The following SEM1 variants were observed in gnomAD, a reference collection of about 807,000 sequenced individuals.
SEM1 encodes the protein 26S proteasome complex subunit SEM1.
Under a neutral mutation model 12.7 loss-of-function variants are expected in SEM1, and 3 were observed. The ratio of observed to expected loss-of-function variants is 0.24; its 90% CI spans 0.11 to 0.61. SEM1 has a LOEUF of 0.61. Ranked by LOEUF, SEM1 falls within the 20% of genes least tolerant of loss-of-function variation. The pLI is 0.88. For synonymous variants in SEM1, 30 were observed against 27.8 expected (o/e 1.08, Z -0.25); for missense variants, 59 against 81.3 (o/e 0.73, Z 1.06).
intron 2 of SEM1, chr7:96,486,072 G>A (rs756779209): frequency 4.1e-5 from 27 of 657,152 alleles, no homozygotes; most frequent in Admixed American, 4.0e-4. Flanking sequence ...AAAATATCAC[G>A]TGTAAAGATC....
At chr7:96,606,625 A>G (rs1389594638) in intron 2 of SEM1, among the ~76,000 whole-genome samples, 1 of 152,246 alleles carries the variant, frequency 6.6e-6, no homozygotes, top group Non-Finnish European at 1.5e-5. Flanking sequence ...TTTTCATCCA[A>G]GTCCAGAACT....
downstream of SEM1, among the ~76,000 whole-genome samples, chr7:96,686,640 A>G (rs1364045777): frequency 6.6e-6 from 1 of 152,214 alleles, no homozygotes; most frequent in Non-Finnish European, 1.5e-5. Flanking sequence ...AATTAATTCA[A>G]GATGGATTAA....
chr7:96,522,891 C>CAAA (rs540895823), intron 2 of SEM1, among the ~76,000 whole-genome samples: 121 of 87,320 alleles, frequency 1.4e-3, no homozygotes, highest in Non-Finnish European at 1.6e-3. Context: ...AACTCCATCT[C>CAAA]AAAAAAAAAA....
intron 2 of SEM1, among the ~76,000 whole-genome samples, chr7:96,644,694 G>C (rs968391858): frequency 2.6e-5 from 4 of 152,140 alleles, no homozygotes; most frequent in Non-Finnish European, 5.9e-5. Flanking sequence ...CTCAGTTGCA[G>C]TGTGACGTGG....
chr7:96,546,350 T>G (rs1370499764), intron 2 of SEM1, among the ~76,000 whole-genome samples: 1 of 152,018 alleles, frequency 6.6e-6, no homozygotes. Flanking sequence ...GAATACACAC[T>G]CCTCATACTC....
chr7:96,501,834 G>A (rs1242778079), intron 3 of SEM1, among the ~76,000 whole-genome samples: 1 of 152,112 alleles, frequency 6.6e-6, no homozygotes, highest in Non-Finnish European at 1.5e-5. Flanking sequence ...GGTACTGAAT[G>A]TAGTACCCAA....
downstream of SEM1, among the ~76,000 whole-genome samples, chr7:96,671,583 G>C (rs755627853): frequency 2.6e-5 from 4 of 152,132 alleles, no homozygotes; most frequent in Non-Finnish European, 4.4e-5. Context: ...AAACTGAAAG[G>C]GAGGCACAGA....
At chr7:96,496,434 G>GC (rs370022281), upstream of SEM1, 824 of 576,658 alleles carry the variant, frequency 1.4e-3, 2 homozygotes, top group African/African-American at 3.4e-3. Context: ...TCTTTATACT[G>GC]CCCCCCCCAA....
At chr7:96,512,861 G>C (rs917413250) in intron 2 of SEM1, among the ~76,000 whole-genome samples, 10 of 152,044 alleles carry the variant, frequency 6.6e-5, no homozygotes, top group African/African-American at 2.4e-4. Context: ...TACAAAAAAA[G>C]CATCAACAGA....
intron 2 of SEM1, among the ~76,000 whole-genome samples, chr7:96,587,584 C>A (rs958827888): frequency 2.0e-5 from 3 of 152,060 alleles, no homozygotes; most frequent in East Asian, 3.9e-4. Context: ...GGTGACAGAT[C>A]TGTTCTCACA....
At chr7:96,525,047 C>T (rs752172397) in intron 2 of SEM1, among the ~76,000 whole-genome samples, 4 of 152,092 alleles carry the variant, frequency 2.6e-5, no homozygotes, top group Non-Finnish European at 2.9e-5. Context: ...CAGTGCACTA[C>T]GGGTGGCTGA....
intron 2 of SEM1, among the ~76,000 whole-genome samples, chr7:96,530,376 C>T (rs1366905218): frequency 6.6e-6 from 1 of 152,032 alleles, no homozygotes. Context: ...CAGGTGAGGG[C>T]CCCATGGAGG....
chr7:96,668,951 A>G (rs544593751), downstream of SEM1, among the ~76,000 whole-genome samples: 4 of 152,304 alleles, frequency 2.6e-5, no homozygotes, highest in South Asian at 8.3e-4. Flanking sequence ...GCAGGGACTG[A>G]AGTTATACAG....
At chr7:96,703,441 GT>G (rs937442170) in intron 1 of SEM1, among the ~76,000 whole-genome samples, 1 of 152,130 alleles carries the variant, frequency 6.6e-6, no homozygotes, top group Non-Finnish European at 1.5e-5. Flanking sequence ...TATTCTGTAA[GT>G]TTGAGATTAT....
chr7:96,626,216 C>G (rs896005630), intron 2 of SEM1, among the ~76,000 whole-genome samples: 1 of 152,012 alleles, frequency 6.6e-6, no homozygotes, highest in Non-Finnish European at 1.5e-5. Context: ...CTACTCTATA[C>G]GTCCATAAGT....
chr7:96,633,083 T>G (rs1808323459), intron 2 of SEM1, among the ~76,000 whole-genome samples: 3 of 152,104 alleles, frequency 2.0e-5, no homozygotes, highest in Admixed American at 2.0e-4. Context: ...TAAAATTGCC[T>G]GGGACCCACT....
chr7:96,664,071 C>T (rs1789094425), intron 2 of SEM1: 1 of 152,170 alleles, frequency 6.6e-6, no homozygotes, highest in Non-Finnish European at 1.5e-5. Flanking sequence ...GTCATTAGCT[C>T]ACAAAGCTGA....
intron 2 of SEM1, among the ~76,000 whole-genome samples, chr7:96,577,969 A>G (rs534072413): frequency 1.3e-5 from 2 of 152,222 alleles, no homozygotes; most frequent in Admixed American, 6.5e-5. Context: ...AGGAAATAAG[A>G]GACTCTTTAA....
chr7:96,608,405 T>C (rs920635451), intron 2 of SEM1, among the ~76,000 whole-genome samples: 1 of 152,212 alleles, frequency 6.6e-6, no homozygotes, highest in Non-Finnish European at 1.5e-5. Flanking sequence ...GATCCTTTTG[T>C]ATTTAAAAAG....
Sources: allele counts gnomAD v4.1 joint callset (sites outside exome capture counted in the v4.1 genomes callset), GRCh38; gene constraint gnomAD v4.1.1; transcripts MANE v1.5; gene names NCBI Gene and HGNC (gene_info 2026-07-23, HGNC 2026-07-21).